Variants in CHL1 observed in about 807,000 individuals in gnomAD.
The protein encoded by CHL1 is neural cell adhesion molecule L1-like protein.
CHL1 carries 96 observed loss-of-function variants against 141.9 expected under a neutral mutation model. That is an observed-to-expected ratio of 0.68 (90% confidence interval 0.57 to 0.80). The LOEUF is 0.80. Among genes scored for constraint, CHL1 ranks in the 30% least tolerant of loss-of-function variants. The pLI, the probability that CHL1 is intolerant of heterozygous loss-of-function variation, is 0.00. For missense variants in CHL1, 1,820 were observed against 1,457.2 expected (o/e 1.25, Z -4.05); for synonymous variants, 613 against 502.2 (o/e 1.22, Z -2.95).
chr3:214,147 C>G (rs1700115591), intron 1 of CHL1, among the ~76,000 whole-genome samples: 1 of 152,138 alleles, frequency 6.6e-6, no homozygotes. Context: ...TATTGAGGTG[C>G]TTTTCGATTG....
chr3:310,254 A>G (rs939874953), intron 2 of CHL1, among the ~76,000 whole-genome samples: 1 of 151,538 alleles, frequency 6.6e-6, no homozygotes, highest in Non-Finnish European at 1.5e-5. Context: ...GCATAGTGAG[A>G]CCCCTATCTC....
At position 360,292 on chromosome 3, in the gene CHL1, T is replaced by C; in HGVS notation, c.1174T>C (p.Phe392Leu). ...TCTTTAATCTCTTTCAGATCATCCA[T>C]TTGCTGGTGATGTTGTCTTCCCCAG... Reference protein sequence around the residue: ...VNGSPVDNHPFAGDVVFPREI... With the variant: ...VNGSPVDNHPLAGDVVFPREI... The change falls in exon 12 of 28, where the codon TTT becomes CTT. Residue 392 changes from phenylalanine to leucine, a missense_variant. Phe to Leu is a conservative substitution (Grantham distance 22, BLOSUM62 0). Coordinates refer to ENST00000256509, the MANE Select transcript of CHL1 (RefSeq NM_006614.4). 2.5e-6 allele frequency: 4 copies of C among 1,613,824 alleles called. No individual in the cohort carries two copies. Among genetic ancestry groups the C allele is most frequent in the Non-Finnish European group, 3.4e-6 (4 of 1,179,786 alleles).
At chr3:357,688 C>T (rs1233899411) in intron 11 of CHL1, among the ~76,000 whole-genome samples, 1 of 152,220 alleles carries the variant, frequency 6.6e-6, no homozygotes, top group Non-Finnish European at 1.5e-5. Context: ...TTCTTGAATC[C>T]TGGGAGCTTC....
chr3:385,482 A>G (rs771848818), intron 19 of CHL1, among the ~76,000 whole-genome samples: 1 of 152,166 alleles, frequency 6.6e-6, no homozygotes, highest in Admixed American at 6.5e-5. Context: ...TACCCCAAAG[A>G]TACACAAGAT....
chr3:283,281 A>C (rs981449761), intron 2 of CHL1, among the ~76,000 whole-genome samples: 1 of 152,218 alleles, frequency 6.6e-6, no homozygotes, highest in African/African-American at 2.4e-5. Context: ...TAATGTTTGC[A>C]TGTATCTTTT....
chr3:357,205 C>G (rs538723128), intron 11 of CHL1, among the ~76,000 whole-genome samples: 31 of 152,336 alleles, frequency 2.0e-4, no homozygotes, highest in Admixed American at 2.0e-3. Context: ...GCTTTTGGCC[C>G]TGGCTCTACT....
At chr3:216,559 G>T (rs1700339860) in intron 1 of CHL1, among the ~76,000 whole-genome samples, 1 of 152,186 alleles carries the variant, frequency 6.6e-6, no homozygotes, top group African/African-American at 2.4e-5. Flanking sequence ...AAAAGTCTGT[G>T]CTTACAGATG....
At chr3:373,340 A>G (rs1039879956) in intron 15 of CHL1, among the ~76,000 whole-genome samples, 8 of 152,192 alleles carry the variant, frequency 5.3e-5, no homozygotes, top group Admixed American at 1.3e-4. Flanking sequence ...CCACCCAAGG[A>G]GGAATGATGG....
intron 5 of CHL1, among the ~76,000 whole-genome samples, chr3:338,230 A>T (rs1702086845): frequency 6.6e-6 from 1 of 152,232 alleles, no homozygotes; most frequent in Admixed American, 6.5e-5. Context: ...TCTTGTTGAA[A>T]CAAAGTTAAG....
Position 349,426 on chromosome 3 carries a change from A to G in CHL1, c.916A>G (p.Asn306Asp). 6.2e-7 allele frequency: 1 copy of G among 1,613,962 alleles called. No homozygotes were observed. Among genetic ancestry groups the G allele is most frequent in the Non-Finnish European group, 8.5e-7 (1 of 1,179,860 alleles). The change falls in exon 10 of 28, where the codon AAT (asparagine) becomes GAT (aspartate). Residue 306 changes from asparagine to aspartate, a missense_variant. Transcript: ENST00000256509. Reference sequence around the variant, plus strand: ...ACCAAAGGGGAGAGAAACAAAAGAAAATTATGGCAAGACTTTGAAGATAGA... The same window carrying G: ...ACCAAAGGGGAGAGAAACAAAAGAAGATTATGGCAAGACTTTGAAGATAGA... ...DLPKGRETKE[N>D]YGKTLKIENV...
intron 1 of CHL1, among the ~76,000 whole-genome samples, chr3:216,145 G>T (rs927187973): frequency 2.0e-5 from 3 of 152,108 alleles, no homozygotes; most frequent in African/African-American, 7.2e-5. Flanking sequence ...GTATTTAAAA[G>T]GGATAAAACT....
chr3:328,176 G>A lies in CHL1; in HGVS notation c.207G>A (p.Trp69Ter). ...AKGNPEPTFS[W>*]TKDGNPFYFT... ...CAGTTTTATGTTTTAGATTTTCGTGGACTAAGGATGGCAACCCTTTTTATT... is the reference window on the plus strand; with the variant it reads ...CAGTTTTATGTTTTAGATTTTCGTGAACTAAGGATGGCAACCCTTTTTATT... The change falls in exon 5 of 28, where the codon TGG (tryptophan) becomes TGA (stop). Residue 69 changes from tryptophan to a stop codon, truncating the protein, a stop_gained. Transcript: ENST00000256509. LOFTEE classifies it high-confidence loss of function. 3 of 1,602,264 alleles carry A rather than the reference G, an allele frequency of 1.9e-6. No homozygotes were observed. The highest frequency in any genetic ancestry group is 2.6e-6 in the Non-Finnish European group (3 of 1,173,802).
intron 2 of CHL1, among the ~76,000 whole-genome samples, chr3:269,152 G>A (rs1318892345): frequency 6.6e-6 from 1 of 152,140 alleles, no homozygotes; most frequent in Non-Finnish European, 1.5e-5. Flanking sequence ...CCAGCTGCTC[G>A]GCTTGTGCAC....
intron 23 of CHL1, among the ~76,000 whole-genome samples, chr3:393,974 C>G (rs1014556061): frequency 9.2e-5 from 14 of 152,158 alleles, no homozygotes; most frequent in African/African-American, 3.4e-4. Context: ...CTTCTTGCCA[C>G]TAACAGCTGC....
At chr3:307,171 G>A (rs931974003) in intron 2 of CHL1, among the ~76,000 whole-genome samples, 1 of 152,142 alleles carries the variant, frequency 6.6e-6, no homozygotes, top group Admixed American at 6.5e-5. Flanking sequence ...AGAAAAATGA[G>A]AGTTTTAATT....
chr3:405,747 C>T lies in CHL1; in HGVS notation c.*36C>T. On this transcript the variant is annotated 3_prime_UTR_variant, in exon 28 of 28. Coordinates refer to ENST00000256509, the MANE Select transcript of CHL1 (RefSeq NM_006614.4). ...TGTAAGCAACGCTACTGGTTCACCC[C>T]AACCTTCCATATTTATCTGTTCAAA... 1 of 1,474,788 alleles carries T rather than the reference C, an allele frequency of 6.8e-7. No individual in the cohort carries two copies. The highest frequency in any genetic ancestry group is 9.5e-7 in the Non-Finnish European group (1 of 1,055,104). The allele number at this position is 1,474,788 out of a possible 1,614,324, so 91.4% of individuals were successfully genotyped here.
intron 1 of CHL1, among the ~76,000 whole-genome samples, chr3:212,806 TTTC>T (rs1227901063): frequency 6.6e-6 from 1 of 152,218 alleles, no homozygotes; most frequent in Admixed American, 6.5e-5. Flanking sequence ...CCTGCTGTCT[TTTC>T]TTCTTAAAAC....
chr3:242,638 A>T (rs989801561), intron 1 of CHL1, among the ~76,000 whole-genome samples: 2 of 151,216 alleles, frequency 1.3e-5, no homozygotes, highest in Non-Finnish European at 2.9e-5. Context: ...TAATACAGAG[A>T]TAATTCTTCA....
rs1157480615 is a variant in CHL1, at chr3:236,347, A to G, written c.-174-8266A>G. 3.9e-5 allele frequency among the ~76,000 whole-genome samples: 6 copies of G among 152,128 alleles called. No homozygotes were observed. In the East Asian group the frequency reaches 1.2e-3, roughly 29 times the overall value. ...CATGCTGGAGCTGGATGAAAACCCC[A>G]AAGTGTCTGAGTGTTACTGATATCA... On this transcript the variant is annotated intron_variant, in intron 1 of 27. Transcript: ENST00000256509.
Sources: allele counts gnomAD v4.1 joint callset (sites outside exome capture counted in the v4.1 genomes callset), GRCh38; gene constraint gnomAD v4.1.1; transcripts MANE v1.5; gene names NCBI Gene and HGNC (gene_info 2026-07-23, HGNC 2026-07-21).